Variants in PHF14 observed in about 807,000 individuals in gnomAD.
PHF14 encodes the protein PHD finger protein 14.
PHF14 carries 55 observed loss-of-function variants against 117.9 expected under a neutral mutation model. The ratio of observed to expected loss-of-function variants is 0.47; its 90% CI spans 0.38 to 0.58. The LOEUF is 0.58. PHF14 is among the 20% of genes least tolerant of loss of function. The probability of loss-of-function intolerance (pLI) is 0.00; values close to 1 mark genes in which losing one functional copy is unlikely to be tolerated. For missense variants in PHF14, 978 were observed against 1,122.2 expected (o/e 0.87, Z 1.84); for synonymous variants, 409 against 368.6 (o/e 1.11, Z -1.26).
At chr7:11,097,662 G>T (rs1786929027) in intron 16 of PHF14, among the ~76,000 whole-genome samples, 1 of 152,200 alleles carries the variant, frequency 6.6e-6, no homozygotes, top group Non-Finnish European at 1.5e-5. Flanking sequence ...GCTAGAGGCA[G>T]AGTTCAGGCT....
chr7:11,153,025 T>C lies in PHF14; in HGVS notation c.2773-16391T>C, dbSNP rs1788744670. ...TGTACTTTCTAGGTCATGGCAGTAGTTTGGATTTTACCCTAAATACAAAGC... is the reference window on the plus strand; with the variant it reads ...TGTACTTTCTAGGTCATGGCAGTAGCTTGGATTTTACCCTAAATACAAAGC... On this transcript the variant is annotated intron_variant, in intron 17 of 17. Transcript: ENST00000634607. Among the ~76,000 whole-genome samples, 2 of 152,080 alleles carry C rather than the reference T, an allele frequency of 1.3e-5. 1 individual carries two copies. Among genetic ancestry groups the C allele is most frequent in the Admixed American group, 1.3e-4 (2 of 15,256 alleles).
At chr7:10,988,016 CAAA>C (rs60714759) in intron 3 of PHF14, among the ~76,000 whole-genome samples, 2 of 115,636 alleles carry the variant, frequency 1.7e-5, no homozygotes, top group African/African-American at 3.2e-5. Context: ...AACTCCTTCT[CAAA>C]AAAAAAAAAA....
intron 4 of PHF14, among the ~76,000 whole-genome samples, chr7:10,992,344 G>A (rs182813770): frequency 4.7e-5 from 7 of 149,416 alleles, no homozygotes; most frequent in African/African-American, 1.2e-4. Context: ...ATGAGCCACC[G>A]TGCCTGGCTG....
intron 10 of PHF14, 140 bp downstream of exon 10, chr7:11,037,231 C>A (rs1784346149): frequency 1.6e-6 from 1 of 610,550 alleles, no homozygotes; most frequent in Non-Finnish European, 2.8e-6. Context: ...TCCTACTCCT[C>A]ATTAGCTTCA....
At chr7:11,150,881 T>C (rs180849783) in intron 17 of PHF14, among the ~76,000 whole-genome samples, 4 of 152,318 alleles carry the variant, frequency 2.6e-5, no homozygotes, top group Admixed American at 2.6e-4. Context: ...TTAATCAGTC[T>C]TTTGAAATTC....
intron 16 of PHF14, chr7:11,063,039 C>G: frequency 1.3e-6 from 1 of 775,292 alleles, no homozygotes; most frequent in Non-Finnish European, 1.5e-6. Context: ...ATACTTACTT[C>G]CAAATGATTT....
At chr7:11,167,938 A>C (rs1789250357) in intron 17 of PHF14, among the ~76,000 whole-genome samples, 1 of 151,454 alleles carries the variant, frequency 6.6e-6, no homozygotes, top group South Asian at 2.1e-4. Context: ...AGGCAGGAGA[A>C]TGGCGTGAAC....
intron 16 of PHF14, chr7:11,105,934 G>A (rs1229935770): frequency 2.0e-6 from 2 of 984,558 alleles, no homozygotes; most frequent in East Asian, 1.1e-4. Context: ...TATGAACAGG[G>A]AAATACAAAG....
At chr7:11,009,745 A>G (rs1430454212) in intron 4 of PHF14, among the ~76,000 whole-genome samples, 1 of 152,226 alleles carries the variant, frequency 6.6e-6, no homozygotes, top group African/African-American at 2.4e-5. Context: ...AGGTAATGAC[A>G]CAGTATGGAT....
At chr7:11,106,260 AAATT>A in intron 16 of PHF14, 1 of 968,528 alleles carries the variant, frequency 1.0e-6, no homozygotes. Context: ...TAATTTTTTA[AAATT>A]AATTTTTATG....
At chr7:11,137,536 T>A (rs1788256824) in intron 17 of PHF14, among the ~76,000 whole-genome samples, 1 of 152,006 alleles carries the variant, frequency 6.6e-6, no homozygotes, top group Non-Finnish European at 1.5e-5. Flanking sequence ...ACTTTATTAT[T>A]AATATAGTTC....
chr7:11,030,830 T>C (rs551480900), intron 7 of PHF14, among the ~76,000 whole-genome samples: 103 of 152,314 alleles, frequency 6.8e-4, no homozygotes, highest in Admixed American at 1.4e-3. Context: ...TTAAAGCATA[T>C]TTACATATAT....
At chr7:11,159,939 A>G (rs1583512350) in intron 17 of PHF14, among the ~76,000 whole-genome samples, 1 of 152,170 alleles carries the variant, frequency 6.6e-6, no homozygotes, top group Admixed American at 6.5e-5. Flanking sequence ...TTTAGATTCA[A>G]GAGGTACATG....
intron 17 of PHF14, among the ~76,000 whole-genome samples, chr7:11,161,378 C>G (rs1424131630): frequency 6.6e-6 from 1 of 152,084 alleles, no homozygotes; most frequent in East Asian, 1.9e-4. Context: ...AATGGCCAAT[C>G]CTAAACAATT....
chr7:11,051,880 G>A, intron 14 of PHF14, 100 bp downstream of exon 14: 3 of 919,170 alleles, frequency 3.3e-6, no homozygotes, highest in Non-Finnish European at 3.2e-6. Flanking sequence ...AGAAGTCAAA[G>A]AAAAAGACAT....
chr7:10,990,629 A>G (rs1366355119), intron 3 of PHF14, 74 bp from the exon 4 acceptor site: 2 of 903,170 alleles, frequency 2.2e-6, no homozygotes, highest in Admixed American at 5.7e-5. Context: ...TTAAGTAATA[A>G]AGAATTTTAG....
At chr7:11,093,866 T>TA (rs1240460076) in intron 16 of PHF14, among the ~76,000 whole-genome samples, 1 of 152,184 alleles carries the variant, frequency 6.6e-6, no homozygotes, top group Admixed American at 6.5e-5. Context: ...AGGAGACCTT[T>TA]AAAAGTACAA....
At chr7:11,062,121 G>A in intron 16 of PHF14, 36 bp downstream of exon 16, 2 of 1,543,336 alleles carry the variant, frequency 1.3e-6, no homozygotes, top group South Asian at 1.2e-5. Context: ...TTTAGGGGAT[G>A]AAAGTTCTAT....
intron 16 of PHF14, among the ~76,000 whole-genome samples, chr7:11,075,758 A>T (rs550717425): frequency 6.6e-6 from 1 of 152,118 alleles, no homozygotes; most frequent in Non-Finnish European, 1.5e-5. Context: ...AGTCATTTAG[A>T]TACCCTATGA....
Sources: gnomAD v4.1 joint callset for allele counts (sites outside exome capture counted in the v4.1 genomes callset) on GRCh38, gnomAD v4.1.1 for gene constraint, MANE v1.5 for transcripts, NCBI Gene and HGNC (gene_info 2026-07-23, HGNC 2026-07-21) for gene names.